AGBL4: variants seen among roughly 807,000 people sequenced by gnomAD.
The protein encoded by AGBL4 is cytosolic carboxypeptidase 6.
A neutral mutation model predicts 66.4 loss-of-function variants in AGBL4; 58 were observed. The ratio of observed to expected loss-of-function variants is 0.87; its 90% CI spans 0.71 to 1.09. The LOEUF is 1.09. AGBL4 is among the 50% of genes least tolerant of loss of function. AGBL4 has a pLI of 0.00. For missense variants in AGBL4, 579 were observed against 631.0 expected (o/e 0.92, Z 0.88); for synonymous variants, 234 against 222.9 (o/e 1.05, Z -0.44).
intron 1 of AGBL4, among the ~76,000 whole-genome samples, chr1:49,966,549 T>C (rs1167925920): frequency 6.6e-6 from 1 of 152,076 alleles, no homozygotes; most frequent in Non-Finnish European, 1.5e-5. Context: ...ATGCAGACAT[T>C]AGTACCAAAT....
Position 49,472,347 on chromosome 1 carries a change from C to T in AGBL4, c.282+224966G>A, listed in dbSNP as rs142571822. On this transcript the variant is annotated intron_variant, in intron 3 of 13. Transcript: ENST00000371839. ...ATGAGAAAAATGTAATTAGTAGATA[C>T]GAACACAGATATGGCAGATATTTAG... Among the ~76,000 whole-genome samples the T allele has an allele frequency of 1.3e-4, 20 of 151,946 alleles. No homozygotes were observed. The East Asian group carries it at 2.3e-3, about 18-fold the overall frequency.
intron 5 of AGBL4, among the ~76,000 whole-genome samples, chr1:48,884,064 G>T (rs1217224705): frequency 6.6e-6 from 1 of 152,174 alleles, no homozygotes; most frequent in Non-Finnish European, 1.5e-5. Context: ...CAAAGTATGG[G>T]CTTTGCAATT....
intron 6 of AGBL4, among the ~76,000 whole-genome samples, chr1:48,724,972 C>G (rs1286619310): frequency 6.6e-6 from 1 of 152,160 alleles, no homozygotes; most frequent in Admixed American, 6.5e-5. Flanking sequence ...TCCAAAGACT[C>G]TAAGTGTACA....
intron 3 of AGBL4, among the ~76,000 whole-genome samples, chr1:49,587,021 A>G (rs1644661588): frequency 6.6e-6 from 1 of 152,078 alleles, no homozygotes; most frequent in Non-Finnish European, 1.5e-5. Flanking sequence ...CTTTGAGTGG[A>G]TCACCTGAGG....
At chr1:48,931,972 G>A (rs775496530) in intron 5 of AGBL4, among the ~76,000 whole-genome samples, 53 of 152,226 alleles carry the variant, frequency 3.5e-4, no homozygotes, top group Non-Finnish European at 6.2e-4. Context: ...TCCTTCCCAG[G>A]AAAGAGTATG....
At chr1:48,535,892 C>T (rs1643963410) in intron 12 of AGBL4, among the ~76,000 whole-genome samples, 1 of 152,054 alleles carries the variant, frequency 6.6e-6, no homozygotes. Context: ...AGTTCTACCA[C>T]AGCTCAGTAA....
intron 3 of AGBL4, among the ~76,000 whole-genome samples, chr1:49,351,918 T>TA (rs1190702967): frequency 2.0e-5 from 3 of 152,246 alleles, no homozygotes; most frequent in African/African-American, 7.2e-5. Flanking sequence ...TGAATCAGCC[T>TA]AAGCCATCGT....
chr1:49,674,185 T>C (rs1646535716), intron 3 of AGBL4, among the ~76,000 whole-genome samples: 1 of 152,108 alleles, frequency 6.6e-6, no homozygotes, highest in African/African-American at 2.4e-5. Context: ...GAACTCTATT[T>C]GAAATCTTAG....
At chr1:49,044,612 G>A (rs1028334164) in intron 5 of AGBL4, among the ~76,000 whole-genome samples, 3 of 152,208 alleles carry the variant, frequency 2.0e-5, no homozygotes, top group East Asian at 1.9e-4. Flanking sequence ...CATAACAAAC[G>A]GGACTTCACA....
chr1:48,996,766 A>G (rs181897938), intron 5 of AGBL4, among the ~76,000 whole-genome samples: 2 of 151,258 alleles, frequency 1.3e-5, no homozygotes, highest in South Asian at 2.1e-4. Context: ...AAGTAGAGAA[A>G]TGATTTATAG....
intron 1 of AGBL4, among the ~76,000 whole-genome samples, chr1:49,937,563 A>G (rs1313095871): frequency 1.3e-5 from 2 of 152,184 alleles, no homozygotes; most frequent in Non-Finnish European, 2.9e-5. Context: ...CACCACACCT[A>G]TTCCAAAATT....
intron 4 of AGBL4, among the ~76,000 whole-genome samples, chr1:49,245,123 T>C (rs1426937115): frequency 6.6e-6 from 1 of 151,662 alleles, no homozygotes; most frequent in Non-Finnish European, 1.5e-5. Context: ...CCCAAATGGA[T>C]TTTTAATAAG....
chr1:48,903,057 A>G (rs1426650346), intron 5 of AGBL4, among the ~76,000 whole-genome samples: 1 of 151,990 alleles, frequency 6.6e-6, no homozygotes, highest in African/African-American at 2.4e-5. Flanking sequence ...ATTTGCCCCA[A>G]ACTTGCTTCT....
intron 4 of AGBL4, among the ~76,000 whole-genome samples, chr1:49,127,128 C>A (rs1645781431): frequency 6.6e-6 from 1 of 152,154 alleles, no homozygotes; most frequent in Non-Finnish European, 1.5e-5. Context: ...TAGGTAGACT[C>A]TAATTCTTGA....
chr1:49,885,844 G>A (rs920944316), intron 1 of AGBL4, among the ~76,000 whole-genome samples: 19 of 152,196 alleles, frequency 1.2e-4, no homozygotes, highest in Non-Finnish European at 1.5e-4. Context: ...TTCAAGAAGG[G>A]AAAATTCAGT....
intron 4 of AGBL4, among the ~76,000 whole-genome samples, chr1:49,097,942 T>G (rs1485378132): frequency 6.6e-6 from 1 of 152,252 alleles, no homozygotes; most frequent in African/African-American, 2.4e-5. Context: ...AGTCCTATTA[T>G]GGACCACCTG....
At chr1:49,658,845 C>A (rs1646207563) in intron 3 of AGBL4, among the ~76,000 whole-genome samples, 1 of 150,504 alleles carries the variant, frequency 6.6e-6, no homozygotes, top group Admixed American at 6.6e-5. Context: ...ACATCACACA[C>A]CGGGGCCTGT....
intron 5 of AGBL4, among the ~76,000 whole-genome samples, chr1:49,002,443 T>A (rs1661465210): frequency 6.6e-6 from 1 of 152,242 alleles, no homozygotes; most frequent in Admixed American, 6.5e-5. Context: ...TTTTCCAATA[T>A]AATTGATCCC....
chr1:49,961,722 C>A (rs954071601), intron 1 of AGBL4, among the ~76,000 whole-genome samples: 2 of 151,976 alleles, frequency 1.3e-5, no homozygotes, highest in Non-Finnish European at 2.9e-5. Flanking sequence ...ACAGTTGCTT[C>A]AACAATGAAC....
Sources: allele counts gnomAD v4.1 joint callset (sites outside exome capture counted in the v4.1 genomes callset), GRCh38; gene constraint gnomAD v4.1.1; transcripts MANE v1.5; gene names NCBI Gene and HGNC (gene_info 2026-07-23, HGNC 2026-07-21).